The following SOX5 variants were observed in gnomAD, a reference collection of about 807,000 sequenced individuals.
SOX5 encodes the protein transcription factor SOX-5.
Under a neutral mutation model 92.0 loss-of-function variants are expected in SOX5, and 9 were observed. That is an observed-to-expected ratio of 0.10 (90% CI 0.06 to 0.17). The LOEUF (loss-of-function observed/expected upper bound fraction) is 0.17. Among genes scored for constraint, SOX5 ranks in the 10% least tolerant of loss-of-function variants. The pLI is 1.00. For synonymous variants in SOX5, 344 were observed against 336.3 expected (o/e 1.02, Z -0.25); for missense variants, 642 against 944.5 (o/e 0.68, Z 4.20).
chr12:24,494,531 G>C (rs1186448463), intron 1 of SOX5, among the ~76,000 whole-genome samples: 1 of 152,114 alleles, frequency 6.6e-6, no homozygotes, highest in Non-Finnish European at 1.5e-5. Context: ...ACAAAACTTA[G>C]CTGAAGTCAC....
chr12:23,612,469 C>A (rs1233243547), intron 8 of SOX5, among the ~76,000 whole-genome samples: 1 of 152,036 alleles, frequency 6.6e-6, no homozygotes, highest in African/African-American at 2.4e-5. Flanking sequence ...TGCACATAAA[C>A]AAATATATAG....
At chr12:23,641,794 A>C (rs765055436) in intron 7 of SOX5, among the ~76,000 whole-genome samples, 1 of 152,240 alleles carries the variant, frequency 6.6e-6, no homozygotes, top group African/African-American at 2.4e-5. Context: ...ATAACTAAAA[A>C]TAATAGAACA....
intron 4 of SOX5, among the ~76,000 whole-genome samples, chr12:23,749,731 C>G (rs1465265461): frequency 6.6e-6 from 1 of 151,884 alleles, no homozygotes; most frequent in African/African-American, 2.4e-5. Flanking sequence ...TTTTCCAAAA[C>G]TATTCCATCT....
chr12:24,450,387 A>G (rs1168056257), intron 1 of SOX5, among the ~76,000 whole-genome samples: 1 of 152,164 alleles, frequency 6.6e-6, no homozygotes, highest in Non-Finnish European at 1.5e-5. Context: ...TACGAGCTAT[A>G]TTAGATATTT....
At chr12:23,770,258 C>A (rs1020820909) in intron 3 of SOX5, among the ~76,000 whole-genome samples, 1 of 151,896 alleles carries the variant, frequency 6.6e-6, no homozygotes, top group Non-Finnish European at 1.5e-5. Context: ...GATGTATAGT[C>A]AAAGATATTT....
chr12:24,445,735 C>T (rs1259368960), intron 1 of SOX5, among the ~76,000 whole-genome samples: 1 of 152,130 alleles, frequency 6.6e-6, no homozygotes, highest in Non-Finnish European at 1.5e-5. Context: ...CAAGCTCTGC[C>T]TTCAACTCTC....
chr12:24,332,356 C>T (rs11047371), intron 2 of SOX5, among the ~76,000 whole-genome samples: 6,241 of 152,180 alleles, frequency 0.041, 177 homozygotes, highest in Non-Finnish European at 0.059. Context: ...GAATGTTAAG[C>T]TTAGTCTTGC....
intron 6 of SOX5, among the ~76,000 whole-genome samples, chr12:23,712,750 G>A (rs1470811035): frequency 2.0e-5 from 3 of 152,078 alleles, no homozygotes; most frequent in African/African-American, 7.2e-5. Flanking sequence ...AAACAACTAT[G>A]AAATGTGACT....
At chr12:24,052,690 T>C (rs749530462) in intron 4 of SOX5, among the ~76,000 whole-genome samples, 4 of 152,208 alleles carry the variant, frequency 2.6e-5, no homozygotes, top group Admixed American at 1.3e-4. Flanking sequence ...TCCAGTGACA[T>C]GTGAAATGTT....
At chr12:23,832,593 C>A (rs2135647681) in intron 3 of SOX5, among the ~76,000 whole-genome samples, 1 of 151,898 alleles carries the variant, frequency 6.6e-6, no homozygotes, top group African/African-American at 2.4e-5. Flanking sequence ...GGTACAATTC[C>A]AAGTTGTTTA....
At chr12:24,237,336 A>G (rs1964710650) in intron 3 of SOX5, among the ~76,000 whole-genome samples, 1 of 152,112 alleles carries the variant, frequency 6.6e-6, no homozygotes. Context: ...TTTTTGAAAA[A>G]CACCTGGCTA....
intron 2 of SOX5, among the ~76,000 whole-genome samples, chr12:23,885,147 T>C (rs1740602442): frequency 6.6e-6 from 1 of 152,108 alleles, no homozygotes; most frequent in Non-Finnish European, 1.5e-5. Flanking sequence ...TCTCTCCTAC[T>C]CCAGGATGTG....
intron 2 of SOX5, among the ~76,000 whole-genome samples, chr12:24,288,898 C>A (rs1946251028): frequency 6.7e-6 from 1 of 149,038 alleles, no homozygotes; most frequent in Non-Finnish European, 1.5e-5. Context: ...TCTCAGAGAA[C>A]CTTTTATTCT....
At position 24,070,271 on chromosome 12, in the gene SOX5, G is replaced by A. The variant is rs1023309983; in HGVS notation, c.-2+143072C>T. Among the ~76,000 whole-genome samples, 13 of 151,930 alleles carry A rather than the reference G, an allele frequency of 8.6e-5. 1 individual carries two copies. Among genetic ancestry groups the A allele is most frequent in the Non-Finnish European group, 1.6e-4 (11 of 68,000 alleles). On this transcript the variant is annotated intron_variant, in intron 4 of 4. Transcript: ENST00000446891. The stretch of plus-strand genomic sequence containing the variant: ...TCCTACAGACCCAATTCTAAATAAA[G>A]CTTGATTGGAATAAATCATAAGTGA...
intron 3 of SOX5, among the ~76,000 whole-genome samples, chr12:24,256,210 A>C (rs1356900256): frequency 6.6e-6 from 1 of 152,242 alleles, no homozygotes; most frequent in Non-Finnish European, 1.5e-5. Context: ...TCAGTGCAGA[A>C]GGAAAATGTG....
At chr12:24,146,465 G>A (rs1951093154) in intron 4 of SOX5, among the ~76,000 whole-genome samples, 1 of 152,048 alleles carries the variant, frequency 6.6e-6, no homozygotes, top group Admixed American at 6.6e-5. Context: ...GTCAATAGAT[G>A]TGAGATCCTG....
intron 3 of SOX5, among the ~76,000 whole-genome samples, chr12:23,835,233 A>G (rs913785926): frequency 6.6e-6 from 1 of 151,866 alleles, no homozygotes; most frequent in Non-Finnish European, 1.5e-5. Context: ...TAAGATGGTA[A>G]CACTATTTCT....
chr12:24,068,704 G>GTGTGTGTGTGTGTGTGTGTA (rs1444359956), intron 4 of SOX5, among the ~76,000 whole-genome samples: 2 of 74,324 alleles, frequency 2.7e-5, no homozygotes, highest in Non-Finnish European at 4.9e-5. Flanking sequence ...GTGTGTGTGT[G>GTGTGTGTGTGTGTGTGTGTA]TATATATATA....
intron 3 of SOX5, among the ~76,000 whole-genome samples, chr12:24,223,816 C>T (rs1284230449): frequency 1.3e-5 from 2 of 152,048 alleles, no homozygotes; most frequent in Admixed American, 6.6e-5. Context: ...AAAACATACA[C>T]ACACGAATGA....
Sources: allele counts gnomAD v4.1 joint callset (sites outside exome capture counted in the v4.1 genomes callset), GRCh38; gene constraint gnomAD v4.1.1; transcripts MANE v1.5; gene names NCBI Gene and HGNC (gene_info 2026-07-23, HGNC 2026-07-21).